KCNQ5: variants seen among roughly 807,000 people sequenced by gnomAD.
The protein encoded by KCNQ5 is potassium voltage-gated channel subfamily KQT member 5.
In KCNQ5, 30 loss-of-function variants were observed where a neutral mutation model predicts 98.2. The ratio of observed to expected loss-of-function variants is 0.31; its 90% CI spans 0.23 to 0.41. The LOEUF (loss-of-function observed/expected upper bound fraction) is 0.41. Among genes scored for constraint, KCNQ5 ranks in the 10% least tolerant of loss-of-function variants. The probability of loss-of-function intolerance (pLI) is 1.00; values close to 1 mark genes in which losing one functional copy is unlikely to be tolerated. For missense variants in KCNQ5, 835 were observed against 1,182.5 expected, an observed-to-expected ratio of 0.71 and a Z score of 4.31; for synonymous variants, 458 against 449.4, an observed-to-expected ratio of 1.02 and a Z score of -0.24.
chr6:72,876,270 T>C (rs1413120402), intron 1 of KCNQ5, among the ~76,000 whole-genome samples: 1 of 152,116 alleles, frequency 6.6e-6, no homozygotes, highest in African/African-American at 2.4e-5. Context: ...ATTCCATTGG[T>C]TTATGCATTT....
chr6:73,155,947 T>G (rs1051347959), intron 10 of KCNQ5, among the ~76,000 whole-genome samples: 8 of 152,322 alleles, frequency 5.3e-5, no homozygotes, highest in Admixed American at 4.6e-4. Flanking sequence ...TCTTGGTTAC[T>G]TAGCAGCATC....
At chr6:72,803,451 T>C (rs1774771939) in intron 1 of KCNQ5, among the ~76,000 whole-genome samples, 1 of 152,146 alleles carries the variant, frequency 6.6e-6, no homozygotes, top group South Asian at 2.1e-4. Context: ...TCTGAAAGTT[T>C]ATGCTTAATG....
intron 1 of KCNQ5, among the ~76,000 whole-genome samples, chr6:72,812,011 A>G (rs1353360013): frequency 6.6e-6 from 1 of 152,146 alleles, no homozygotes; most frequent in East Asian, 1.9e-4. Flanking sequence ...TTTTTAGACC[A>G]TATAGGGTGA....
At chr6:72,759,193 A>G (rs1343378008) in intron 1 of KCNQ5, among the ~76,000 whole-genome samples, 1 of 152,170 alleles carries the variant, frequency 6.6e-6, no homozygotes, top group Non-Finnish European at 1.5e-5. Flanking sequence ...GAGATGAATG[A>G]CTTCGTTAAG....
At chr6:73,062,119 A>G (rs575338668) in intron 3 of KCNQ5, among the ~76,000 whole-genome samples, 2 of 152,148 alleles carry the variant, frequency 1.3e-5, no homozygotes, top group African/African-American at 2.4e-5. Flanking sequence ...CAGGAATGGT[A>G]TGTATGGTAC....
At chr6:73,175,637 T>C (rs1778184151) in intron 11 of KCNQ5, among the ~76,000 whole-genome samples, 1 of 152,154 alleles carries the variant, frequency 6.6e-6, no homozygotes, top group African/African-American at 2.4e-5. Flanking sequence ...AGCCTGACTA[T>C]AGACTCTTTA....
At chr6:72,912,378 CCTT>C (rs1367039324) in intron 1 of KCNQ5, among the ~76,000 whole-genome samples, 1 of 152,182 alleles carries the variant, frequency 6.6e-6, no homozygotes, top group East Asian at 1.9e-4. Context: ...AAGCTTTTCA[CCTT>C]CTTGTTAATC....
chr6:72,975,245 T>C (rs1582120752), intron 1 of KCNQ5, among the ~76,000 whole-genome samples: 1 of 152,116 alleles, frequency 6.6e-6, no homozygotes, highest in African/African-American at 2.4e-5. Flanking sequence ...TTCAATTTTT[T>C]TTTTTGGTCA....
At chr6:73,071,845 A>G (rs1363086304) in intron 3 of KCNQ5, among the ~76,000 whole-genome samples, 1 of 152,234 alleles carries the variant, frequency 6.6e-6, no homozygotes. Context: ...TTTGGAGGTC[A>G]AATATCCAAA....
chr6:73,060,794 A>G (rs1772743673), intron 3 of KCNQ5, among the ~76,000 whole-genome samples: 1 of 152,138 alleles, frequency 6.6e-6, no homozygotes, highest in Admixed American at 6.6e-5. Context: ...TCTCACTCAT[A>G]AAAAAGAAAT....
Position 73,152,770 on chromosome 6 carries a change from G to A in KCNQ5, c.1469-16976G>A, listed in dbSNP as rs186215602. Among the ~76,000 whole-genome samples, 115 of 152,294 alleles carry A rather than the reference G, an allele frequency of 7.6e-4. 1 individual carries two copies. The highest frequency in any genetic ancestry group is 2.7e-3 in the African/African-American group (113 of 41,568). On this transcript the variant is annotated intron_variant, in intron 10 of 13. Coordinates refer to ENST00000370398, the MANE Select transcript of KCNQ5 (RefSeq NM_019842.4). Reference sequence around the variant, plus strand: ...TGACCTGAGTCAACCACTTTTGGGGGAATTCCTGGCAACAGTATCTTTAGC... The same window carrying A: ...TGACCTGAGTCAACCACTTTTGGGGAAATTCCTGGCAACAGTATCTTTAGC...
intron 1 of KCNQ5, among the ~76,000 whole-genome samples, chr6:72,772,077 CTGAG>C (rs531239454): frequency 6.9e-4 from 105 of 152,196 alleles, no homozygotes; most frequent in African/African-American, 2.2e-3. Flanking sequence ...CGACTTTTCA[CTGAG>C]TGTCTTTATT....
intron 1 of KCNQ5, among the ~76,000 whole-genome samples, chr6:72,854,758 T>TG (rs1777451483): frequency 2.4e-5 from 3 of 127,154 alleles, no homozygotes; most frequent in East Asian, 4.9e-4. Context: ...ACACCATGGT[T>TG]TGTGTGTGTG....
intron 12 of KCNQ5, among the ~76,000 whole-genome samples, chr6:73,192,001 G>T (rs1765607228): frequency 6.6e-6 from 1 of 152,140 alleles, no homozygotes; most frequent in Non-Finnish European, 1.5e-5. Context: ...TGCAATCTCT[G>T]CCTAGATGGC....
intron 10 of KCNQ5, chr6:73,157,843 C>T: frequency 1.3e-6 from 1 of 779,646 alleles, no homozygotes; most frequent in East Asian, 2.4e-5. Context: ...AAACTCTAGC[C>T]TCATGATCTG....
intron 1 of KCNQ5, among the ~76,000 whole-genome samples, chr6:72,743,148 C>T (rs1771214739): frequency 6.6e-6 from 1 of 152,096 alleles, no homozygotes; most frequent in South Asian, 2.1e-4. Flanking sequence ...CTCTTGACTT[C>T]AGGTAATGTA....
intron 9 of KCNQ5, among the ~76,000 whole-genome samples, chr6:73,127,709 A>G (rs1338505830): frequency 2.0e-5 from 3 of 152,202 alleles, no homozygotes; most frequent in Non-Finnish European, 4.4e-5. Flanking sequence ...AAATTTGCCT[A>G]CGATGTCTTG....
At chr6:72,918,465 C>T (rs1582014749) in intron 1 of KCNQ5, among the ~76,000 whole-genome samples, 1 of 151,662 alleles carries the variant, frequency 6.6e-6, no homozygotes, top group East Asian at 1.9e-4. Context: ...TTTTTGTGAA[C>T]GTGTCTCAAG....
intron 1 of KCNQ5, among the ~76,000 whole-genome samples, chr6:72,911,812 T>A (rs1779951570): frequency 6.6e-6 from 1 of 152,170 alleles, no homozygotes; most frequent in African/African-American, 2.4e-5. Flanking sequence ...AGACAAAGTT[T>A]TTTATTTTGT....
Sources: gnomAD v4.1 joint callset for allele counts (sites outside exome capture counted in the v4.1 genomes callset) on GRCh38, gnomAD v4.1.1 for gene constraint, MANE v1.5 for transcripts, NCBI Gene and HGNC (gene_info 2026-07-23, HGNC 2026-07-21) for gene names.